The following MMP26 variants were observed in gnomAD, a reference collection of about 807,000 sequenced individuals.
The protein encoded by MMP26 is matrix metallopeptidase 26, also known as matrix metalloproteinase-26.
In MMP26, 33 loss-of-function variants were observed where a neutral mutation model predicts 31.0. That is an observed-to-expected ratio of 1.06 (90% CI 0.81 to 1.42). The LOEUF (loss-of-function observed/expected upper bound fraction) is 1.42. Among genes scored for constraint, MMP26 ranks in the 40% most tolerant of loss-of-function variants. The probability of loss-of-function intolerance (pLI) is 0.00; values close to 1 mark genes in which losing one functional copy is unlikely to be tolerated. For missense variants in MMP26, 347 were observed against 316.1 expected, an observed-to-expected ratio of 1.10 and a Z score of -0.74; for synonymous variants, 122 against 114.9, an observed-to-expected ratio of 1.06 and a Z score of -0.40.
At chr11:4,828,024 A>G (rs1849601403) in intron 2 of MMP26, among the ~76,000 whole-genome samples, 1 of 152,176 alleles carries the variant, frequency 6.6e-6, no homozygotes, top group Admixed American at 6.6e-5. Context: ...AGCCATATAA[A>G]TTCCATTATG....
chr11:4,722,957 C>G (rs970371268), intron 1 of MMP26: 12 of 797,166 alleles, frequency 1.5e-5, no homozygotes, highest in Non-Finnish European at 2.2e-5. Context: ...TGTATGGATA[C>G]TCATGTTCTG....
At chr11:4,870,627 TGAA>T (rs944645407) in intron 2 of MMP26, among the ~76,000 whole-genome samples, 19 of 152,102 alleles carry the variant, frequency 1.2e-4, no homozygotes, top group African/African-American at 4.6e-4. Context: ...GGCTTAGATA[TGAA>T]GAAGAGAGGG....
intron 2 of MMP26, among the ~76,000 whole-genome samples, chr11:4,871,490 G>A (rs1850309724): frequency 6.6e-6 from 1 of 152,016 alleles, no homozygotes; most frequent in Admixed American, 6.6e-5. Flanking sequence ...GCGTTTGGAT[G>A]GGTTGCTACC....
At chr11:4,859,911 C>T (rs1850119770) in intron 2 of MMP26, 2 of 471,010 alleles carry the variant, frequency 4.2e-6, no homozygotes, top group Non-Finnish European at 8.8e-6. Context: ...GTACATAAGA[C>T]AGTAGAGTGA....
At chr11:4,866,488 C>A (rs1850236173) in intron 2 of MMP26, among the ~76,000 whole-genome samples, 1 of 152,000 alleles carries the variant, frequency 6.6e-6, no homozygotes, top group Non-Finnish European at 1.5e-5. Context: ...GAATCAATAT[C>A]ATGAAAATGG....
chr11:4,943,508 C>T (rs751947618), intron 2 of MMP26: 7 of 456,180 alleles, frequency 1.5e-5, no homozygotes, highest in South Asian at 1.1e-4. Flanking sequence ...CTTGGCACCA[C>T]TGACATTTTG....
intron 2 of MMP26, among the ~76,000 whole-genome samples, chr11:4,872,697 T>G (rs1850327321): frequency 6.6e-6 from 1 of 152,020 alleles, no homozygotes; most frequent in Non-Finnish European, 1.5e-5. Flanking sequence ...TTCCATCTTC[T>G]GCCTGGGTGG....
intron 1 of MMP26, among the ~76,000 whole-genome samples, chr11:4,717,753 T>A (rs77983232): frequency 0.021 from 3,271 of 152,304 alleles, 124 homozygotes; most frequent in African/African-American, 0.075. Flanking sequence ...ATACCATTGT[T>A]ACTTTAGAGA....
chr11:4,921,363 TGTAAAC>T (rs1206937688), intron 2 of MMP26, among the ~76,000 whole-genome samples: 1 of 152,176 alleles, frequency 6.6e-6, no homozygotes, highest in Admixed American at 6.5e-5. Flanking sequence ...TGGACTAGGT[TGTAAAC>T]ATGGATAAAA....
At position 4,952,681 on chromosome 11, in the gene MMP26, C is replaced by T. The variant is rs1846386152; in HGVS notation, c.-144-35387C>T. 1.6e-5 allele frequency among the ~76,000 whole-genome samples: 2 copies of T among 124,942 alleles called. 1 individual carries two copies. The highest frequency in any genetic ancestry group is 1.8e-4 in the Admixed American group (2 of 11,176). 82.0% of individuals were successfully genotyped at this position (124,942 alleles called of 152,430 possible). The stretch of plus-strand genomic sequence containing the variant: ...TTTGATTTCCTCTCTGTGTGAGTTT[C>T]ATAAAATCAAACTCTCAGAGCCTCA... On this transcript the variant is annotated intron_variant, in intron 2 of 7. Coordinates refer to ENST00000380390, the MANE Select transcript of MMP26 (RefSeq NM_021801.5).
intron 1 of MMP26, among the ~76,000 whole-genome samples, chr11:4,728,319 A>T (rs1848130244): frequency 6.6e-6 from 1 of 152,222 alleles, no homozygotes; most frequent in Non-Finnish European, 1.5e-5. Context: ...AGCTTTCCAG[A>T]GTACTGGGTA....
intron 2 of MMP26, among the ~76,000 whole-genome samples, chr11:4,949,051 T>C (rs1846346863): frequency 8.0e-6 from 1 of 125,016 alleles, no homozygotes; most frequent in South Asian, 2.4e-4. Flanking sequence ...TGTTCAACTT[T>C]GTGGACCAAA....
At chr11:4,847,962 A>C (rs1308177778) in intron 2 of MMP26, 1 of 394,052 alleles carries the variant, frequency 2.5e-6, no homozygotes, top group East Asian at 4.1e-5. Context: ...ATAAGATAAC[A>C]ACAGGCACAC....
chr11:4,734,344 CTTTG>C (rs1848209877), intron 1 of MMP26, among the ~76,000 whole-genome samples: 2 of 152,036 alleles, frequency 1.3e-5, no homozygotes, highest in Admixed American at 1.3e-4. Context: ...AAATAATTAA[CTTTG>C]TTTTGTTGAC....
At chr11:4,973,958 G>A (rs997725719) in intron 2 of MMP26, 5 of 151,940 alleles carry the variant, frequency 3.3e-5, no homozygotes, top group African/African-American at 9.7e-5. Flanking sequence ...CGGCTCAAAT[G>A]CCTGGCTCTA....
chr11:4,941,571 T>A (rs1457885305), intron 2 of MMP26, among the ~76,000 whole-genome samples: 3 of 152,208 alleles, frequency 2.0e-5, no homozygotes, highest in Non-Finnish European at 4.4e-5. Flanking sequence ...AGATTTTGAA[T>A]GGGATGTAAA....
chr11:4,925,634 C>A (rs529885372), intron 2 of MMP26, among the ~76,000 whole-genome samples: 3 of 151,886 alleles, frequency 2.0e-5, no homozygotes, highest in African/African-American at 2.4e-5. Flanking sequence ...GGGGTCAGTT[C>A]ATAAAACTGA....
chr11:4,836,719 G>T (rs1849724466), intron 2 of MMP26, among the ~76,000 whole-genome samples: 2 of 144,018 alleles, frequency 1.4e-5, no homozygotes, highest in Admixed American at 7.1e-5. Flanking sequence ...GAATGCAGTG[G>T]TGCAATCTCT....
intron 2 of MMP26, among the ~76,000 whole-genome samples, chr11:4,918,206 A>G (rs929136653): frequency 1.3e-5 from 2 of 152,102 alleles, no homozygotes; most frequent in African/African-American, 4.8e-5. Context: ...CTGGAATTCA[A>G]ACTTAGATCT....
Sources: gnomAD v4.1 joint callset for allele counts (sites outside exome capture counted in the v4.1 genomes callset) on GRCh38, gnomAD v4.1.1 for gene constraint, MANE v1.5 for transcripts, NCBI Gene and HGNC (gene_info 2026-07-23, HGNC 2026-07-21) for gene names.